OR51B5: variants seen among roughly 807,000 people sequenced by gnomAD.
OR51B5 encodes olfactory receptor family 51 subfamily B member 5.
For synonymous variants in OR51B5, 186 were observed against 144.8 expected (o/e 1.28, Z -2.04); for missense variants, 456 against 374.6 (o/e 1.22, Z -1.79).
chr11:5,369,606 A>G (rs1849421099), intron 1 of OR51B5, among the ~76,000 whole-genome samples: 1 of 152,170 alleles, frequency 6.6e-6, no homozygotes, highest in African/African-American at 2.4e-5. Context: ...CATGTATATT[A>G]AATATAAAGT....
chr11:5,375,918 C>T (rs1849520003), intron 1 of OR51B5, among the ~76,000 whole-genome samples: 1 of 152,072 alleles, frequency 6.6e-6, no homozygotes, highest in South Asian at 2.1e-4. Context: ...AGAAAGTTAA[C>T]AAGGATATCC....
chr11:5,391,192 T>G lies in OR51B5; in HGVS notation n.85-44282A>C, dbSNP rs187239463. On this transcript the variant is annotated intron_variant and non_coding_transcript_variant, in intron 1 of 4. Coordinates refer to the OR51B5 transcript ENST00000415970. The stretch of plus-strand genomic sequence containing the variant: ...TCCCATTGCTCAGGAGGAAATAAAC[T>G]TTACATTGGCTGATCAGCCTGTCCC... The G allele has an allele frequency of 1.3e-4, 20 of 152,340 alleles. 1 individual carries two copies. The East Asian group carries it at 3.9e-3, about 29-fold the overall frequency. The allele number at this position is 152,340 out of a possible 1,614,324, so 9.4% of individuals were successfully genotyped here.
intron 1 of OR51B5, chr11:5,440,783 C>G (rs1458559503): frequency 7.4e-6 from 12 of 1,613,768 alleles, no homozygotes; most frequent in African/African-American, 1.3e-5. Flanking sequence ...AGATGTGTGA[C>G]ATGCAGGTGT....
At chr11:5,478,704 C>T (rs957411975) in intron 1 of OR51B5, among the ~76,000 whole-genome samples, 21 of 151,366 alleles carry the variant, frequency 1.4e-4, no homozygotes, top group African/African-American at 4.2e-4. Flanking sequence ...TCAAGAACTA[C>T]GTGAAGAATG....
chr11:5,343,417 G>C (rs1460450561), exon 1 of OR51B5: 2 of 1,613,452 alleles, frequency 1.2e-6, no homozygotes, highest in Non-Finnish European at 1.7e-6. Flanking sequence ...TGCCAAAAAG[G>C]ATGGATATAT....
chr11:5,454,189 G>T, intron 1 of OR51B5: 1 of 1,604,264 alleles, frequency 6.2e-7, no homozygotes, highest in South Asian at 1.1e-5. Context: ...CGTGAGGAAC[G>T]CCTCAAAGCT....
At chr11:5,503,767 C>T (rs559226689) in intron 1 of OR51B5, among the ~76,000 whole-genome samples, 6 of 136,846 alleles carry the variant, frequency 4.4e-5, no homozygotes, top group East Asian at 2.2e-4. Context: ...TGTAGATACT[C>T]GCAGGACTCG....
At chr11:5,502,274 T>G (rs138401556) in intron 1 of OR51B5, among the ~76,000 whole-genome samples, 465 of 152,334 alleles carry the variant, frequency 3.1e-3, no homozygotes, top group Non-Finnish European at 5.2e-3. Flanking sequence ...TGCACTCACC[T>G]GTCTTTCCCA....
intron 1 of OR51B5, among the ~76,000 whole-genome samples, chr11:5,361,417 A>G (rs751065353): frequency 6.6e-6 from 1 of 152,116 alleles, no homozygotes; most frequent in African/African-American, 2.4e-5. Flanking sequence ...TATAGTCTAA[A>G]AAGTTGGTGT....
chr11:5,478,980 G>C (rs1215369254), intron 1 of OR51B5, among the ~76,000 whole-genome samples: 12 of 151,926 alleles, frequency 7.9e-5, no homozygotes, highest in Non-Finnish European at 1.8e-4. Flanking sequence ...AGCAAGGCAG[G>C]TCAACGTTCA....
rs1404123535 is a variant in OR51B5 at position 5,360,182 on chromosome 11, G to A, written n.85-13272C>T. On this transcript the variant is annotated intron_variant and non_coding_transcript_variant, in intron 1 of 4. Transcript: ENST00000415970. ...ACTAAAGAGCTTCTGCACAGCAAAA[G>A]AAACTACCATCAGAGTGAACAGGCA... is the stretch of plus-strand genomic sequence containing the variant. Among the ~76,000 whole-genome samples the A allele has an allele frequency of 2.3e-5, 3 of 129,668 alleles. No individual in the cohort carries two copies. The East Asian group carries it at 5.9e-4, about 26-fold the overall frequency. The allele number at this position is 129,668 out of a possible 152,430, so 85.1% of individuals were successfully genotyped here.
At chr11:5,477,599 A>G (rs1378474766) in intron 1 of OR51B5, among the ~76,000 whole-genome samples, 1 of 152,160 alleles carries the variant, frequency 6.6e-6, no homozygotes, top group African/African-American at 2.4e-5. Flanking sequence ...CATCTGAGGT[A>G]CCGGGTTCAT....
intron 1 of OR51B5, among the ~76,000 whole-genome samples, chr11:5,487,326 T>C (rs895362147): frequency 9.2e-5 from 14 of 152,184 alleles, no homozygotes; most frequent in African/African-American, 2.2e-4. Flanking sequence ...TTTAATTCCA[T>C]GAATAGTCAT....
At chr11:5,369,895 G>T (rs953746078) in intron 1 of OR51B5, among the ~76,000 whole-genome samples, 1 of 152,144 alleles carries the variant, frequency 6.6e-6, no homozygotes, top group Non-Finnish European at 1.5e-5. Context: ...TGACCTCATT[G>T]GTTTTGCTAT....
chr11:5,464,997 G>C (rs1007092570), intron 1 of OR51B5, among the ~76,000 whole-genome samples: 1 of 152,030 alleles, frequency 6.6e-6, no homozygotes, highest in Non-Finnish European at 1.5e-5. Context: ...GCGAGGTCAG[G>C]AGATCGAGAC....
At chr11:5,395,392 C>A (rs1532514) in intron 1 of OR51B5, among the ~76,000 whole-genome samples, 80,485 of 151,922 alleles carry the variant, frequency 0.53, 21,839 homozygotes, top group African/African-American at 0.65. Flanking sequence ...ATTGGAGTGA[C>A]CTCTCTAATA....
chr11:5,478,137 GT>G (rs1488590423), intron 1 of OR51B5, among the ~76,000 whole-genome samples: 6 of 151,434 alleles, frequency 4.0e-5, no homozygotes, highest in African/African-American at 1.5e-4. Flanking sequence ...GAGAGCAGTG[GT>G]TCTCCCAGCA....
At chr11:5,368,775 G>T (rs994423946) in intron 1 of OR51B5, among the ~76,000 whole-genome samples, 1 of 152,138 alleles carries the variant, frequency 6.6e-6, no homozygotes, top group African/African-American at 2.4e-5. Context: ...CAAAACCTCA[G>T]CATAGGCCTT....
intron 1 of OR51B5, among the ~76,000 whole-genome samples, chr11:5,448,823 T>C (rs999844480): frequency 1.3e-5 from 2 of 152,230 alleles, no homozygotes; most frequent in Non-Finnish European, 2.9e-5. Flanking sequence ...CTCTGAATGC[T>C]GGAAAGTTTG....
Sources: allele counts gnomAD v4.1 joint callset (sites outside exome capture counted in the v4.1 genomes callset), GRCh38; gene constraint gnomAD v4.1.1; transcripts MANE v1.5; gene names NCBI Gene and HGNC (gene_info 2026-07-23, HGNC 2026-07-21).